CYP4F8: variants seen among roughly 807,000 people sequenced by gnomAD.
The protein encoded by CYP4F8 is cytochrome P450 4F8.
In CYP4F8, 56 loss-of-function variants were observed where a neutral mutation model predicts 55.0. That is an observed-to-expected ratio of 1.02 (90% CI 0.82 to 1.27). The LOEUF (loss-of-function observed/expected upper bound fraction) is 1.27. Among genes scored for constraint, CYP4F8 ranks in the 50% most tolerant of loss-of-function variants. CYP4F8 has a pLI of 0.00. For missense variants in CYP4F8, 680 were observed against 682.4 expected (o/e 1.00, Z 0.04); for synonymous variants, 288 against 267.3 (o/e 1.08, Z -0.76).
At chr19:15,619,813 C>G in intron 5 of CYP4F8, 51 bp downstream of exon 5, 4 of 1,599,544 alleles carry the variant, frequency 2.5e-6, no homozygotes, top group Non-Finnish European at 3.4e-6. Context: ...GTGGAGGGAT[C>G]ACATACAATT....
chr19:15,617,192 C>A (rs983553570), intron 2 of CYP4F8, among the ~76,000 whole-genome samples: 2 of 152,320 alleles, frequency 1.3e-5, no homozygotes, highest in Non-Finnish European at 2.9e-5. Flanking sequence ...GGGCTGGAGC[C>A]ACTCCCAGGA....
rs776862501 is a variant in CYP4F8 at position 15,628,790 on chromosome 19, A to T, written c.1344A>T (p.Glu448Asp). Residue 448 changes from glutamate (E) to aspartate (D), a missense_variant, in exon 12 of 13, where the codon GAA (glutamate) becomes GAT (aspartate). Transcript: ENST00000612078. ...EVYDPFRFDP[E>D]NAQKRSPMAF... Reference sequence around the variant, plus strand: ...ATGACCCCTTCCGCTTCGACCCAGAAAACGCCCAGAAGAGGTCACCTATGG... The same window carrying T: ...ATGACCCCTTCCGCTTCGACCCAGATAACGCCCAGAAGAGGTCACCTATGG... 1 of 1,610,646 alleles carries T rather than the reference A, an allele frequency of 6.2e-7. No homozygotes were observed. The highest frequency in any genetic ancestry group is 8.5e-7 in the Non-Finnish European group (1 of 1,178,740).
In CYP4F8 at chr19:15,626,605, A is replaced by ATATCTATCTATCTATC. The variant is rs57706048; in HGVS notation, c.1116-1671_1116-1656dup. 2.1e-3 allele frequency among the ~76,000 whole-genome samples: 302 copies of ATATCTATCTATCTATC among 146,948 alleles called. 2 individuals are homozygous for ATATCTATCTATCTATC. Among genetic ancestry groups the ATATCTATCTATCTATC allele is most frequent in the East Asian group, 6.2e-3 (31 of 4,966 alleles). ...CTAACATATTCAGATATTGTTCTGG[A>ATATCTATCTATCTATC]TATCTATCTATCTATCTATCTATCT... On this transcript the variant is annotated intron_variant, in intron 9 of 12. Transcript: ENST00000612078.
Position 15,623,750 on chromosome 19 carries a change from A to C in CYP4F8, c.970A>C (p.Thr324Pro). Residue 324 changes from threonine to proline, a missense_variant, in exon 8 of 13, where the codon ACT (threonine) becomes CCT (proline). Physicochemically the swap from Thr to Pro is conservative, Grantham distance 38. Coordinates refer to ENST00000612078, the MANE Select transcript of CYP4F8 (RefSeq NM_007253.4). The stretch of plus-strand genomic sequence containing the variant: ...TGAGGACATAAGAGCAGAAGCTGAC[A>C]CTTTCATGTTTGGAGGTGAGTGTCC... ...SDEDIRAEADTFMFGGHDTTA... is the reference protein window; with the variant it reads ...SDEDIRAEADPFMFGGHDTTA... 6.2e-7 allele frequency: 1 copy of C among 1,613,844 alleles called. No homozygotes were observed. The highest frequency in any genetic ancestry group is 8.5e-7 in the Non-Finnish European group (1 of 1,180,032).
At position 15,615,722 on chromosome 19, in the gene CYP4F8, G is replaced by A; in HGVS notation, c.106G>A (p.Ala36Thr). ...CTCCTGGCTCCTGGCCCGCATCCTG[G>A]CCTGGACCTATGCCTTCTATCACAA... ...GASWLLARIL[A>T]WTYAFYHNGR... The change falls in exon 2 of 13, where the codon GCC becomes ACC. Residue 36 changes from alanine (A) to threonine (T), a missense_variant. Coordinates refer to ENST00000612078, the MANE Select transcript of CYP4F8 (RefSeq NM_007253.4). 1.2e-6 allele frequency: 2 copies of A among 1,614,100 alleles called. No individual in the cohort carries two copies. Among genetic ancestry groups the A allele is most frequent in the Non-Finnish European group, 1.7e-6 (2 of 1,180,004 alleles).
chr19:15,629,525 G>A lies in CYP4F8; in HGVS notation c.*167G>A, dbSNP rs1267022344. 12 of 967,870 alleles carry A rather than the reference G, an allele frequency of 1.2e-5. No homozygotes were observed. Among genetic ancestry groups the A allele is most frequent in the East Asian group, 2.9e-5 (1 of 34,848 alleles). The allele number at this position is 967,870 out of a possible 1,614,324, so 60.0% of individuals were successfully genotyped here. The stretch of plus-strand genomic sequence containing the variant: ...GGATCTAGGGCCTGGCTGGGAAGAG[G>A]CGGGGAGATGTCTCTGTGCCCAAGA... On this transcript the variant is annotated 3_prime_UTR_variant, in exon 13 of 13. Transcript: ENST00000612078.
rs567889969 is a variant in CYP4F8, at chr19:15,621,146, G to C, written c.526-1073G>C. The stretch of plus-strand genomic sequence containing the variant: ...ATTAGGCTTAGAGAATCAGCTTTTA[G>C]AGCAAGCAGAATAAGCCTAACGTGT... On this transcript the variant is annotated intron_variant, in intron 5 of 12. Transcript: ENST00000612078. 2.0e-5 allele frequency among the ~76,000 whole-genome samples: 3 copies of C among 152,252 alleles called. No individual in the cohort carries two copies. The South Asian group carries it at 6.2e-4, about 32-fold the overall frequency.
At chr19:15,622,168 G>A in intron 5 of CYP4F8, 51 bp from the exon 6 acceptor site, 1 of 1,575,246 alleles carries the variant, frequency 6.3e-7, no homozygotes. Context: ...GTTGCAGGGG[G>A]ACTCAGAGGA....
intron 9 of CYP4F8, among the ~76,000 whole-genome samples, chr19:15,625,395 A>G (rs895221211): frequency 8.8e-5 from 13 of 148,550 alleles, no homozygotes; most frequent in Non-Finnish European, 1.5e-5. Context: ...ATATATATAT[A>G]CACACACACA....
At chr19:15,626,838 T>C (rs560352973) in intron 9 of CYP4F8, among the ~76,000 whole-genome samples, 13 of 152,364 alleles carry the variant, frequency 8.5e-5, no homozygotes, top group African/African-American at 3.1e-4. Context: ...TCTTTTAACA[T>C]TATAATTTTA....
At position 15,615,713 on chromosome 19, in the gene CYP4F8, C is replaced by T. The variant is rs200819695; in HGVS notation, c.97C>T (p.Arg33Cys). The T allele has an allele frequency of 5.4e-4, 872 of 1,614,084 alleles. 6 individuals are homozygous for T. The highest frequency in any genetic ancestry group is 5.0e-3 in the African/African-American group (377 of 75,036). ...LVVGASWLLA[R>C]ILAWTYAFYH... ...GGTCGGGGCCTCCTGGCTCCTGGCC[C>T]GCATCCTGGCCTGGACCTATGCCTT... The change falls in exon 2 of 13, where the codon CGC becomes TGC. Residue 33 changes from arginine (R) to cysteine (C), a missense_variant. Arg to Cys is a radical substitution (Grantham distance 180). Coordinates refer to ENST00000612078, the MANE Select transcript of CYP4F8 (RefSeq NM_007253.4).
rs4646524 is a variant in CYP4F8 at position 15,616,681 on chromosome 19, G to T, written c.198+867G>T. On this transcript the variant is annotated intron_variant, in intron 2 of 12. Transcript: ENST00000612078. ...ATGTGTGCCATCTCCACCCTCCCCC[G>T]TGCAGGGGCATCTTCTTTATCCCCA... 3.3e-5 allele frequency among the ~76,000 whole-genome samples: 5 copies of T among 151,992 alleles called. No homozygotes were observed. The South Asian group carries it at 8.3e-4, about 25-fold the overall frequency.
intron 12 of CYP4F8, 118 bp downstream of exon 12, chr19:15,628,961 C>G: frequency 7.5e-7 from 1 of 1,327,536 alleles, no homozygotes; most frequent in South Asian, 1.4e-5. Flanking sequence ...AAAGAAGATC[C>G]TAGGAAAAAG....
intron 3 of CYP4F8, 55 bp downstream of exon 3, chr19:15,618,199 G>T: frequency 6.2e-7 from 1 of 1,612,896 alleles, no homozygotes; most frequent in Non-Finnish European, 8.5e-7. Flanking sequence ...AGGGCTTCTA[G>T]ATCTCATCCC....
At chr19:15,619,951 C>T (rs1972173257) in intron 5 of CYP4F8, among the ~76,000 whole-genome samples, 189 bp downstream of exon 5, 1 of 152,142 alleles carries the variant, frequency 6.6e-6, no homozygotes, top group Non-Finnish European at 1.5e-5. Context: ...ACTCATGTCT[C>T]TGACACTTAG....
chr19:15,616,192 T>C (rs1230435604), intron 2 of CYP4F8, among the ~76,000 whole-genome samples: 3 of 146,434 alleles, frequency 2.0e-5, no homozygotes, highest in African/African-American at 2.6e-5. Context: ...ATTCCTCTCC[T>C]CACTCACTCA....
intron 2 of CYP4F8, among the ~76,000 whole-genome samples, chr19:15,617,545 T>C (rs1972140038): frequency 6.6e-6 from 1 of 152,128 alleles, no homozygotes. Context: ...AGTCCGTCTG[T>C]CTGTCTATGA....
chr19:15,620,849 G>A (rs1378321828), intron 5 of CYP4F8, among the ~76,000 whole-genome samples: 1 of 152,242 alleles, frequency 6.6e-6, no homozygotes, highest in Non-Finnish European at 1.5e-5. Context: ...GCAGGGAGAA[G>A]AGAAGAAATG....
At chr19:15,618,463 T>A in intron 3 of CYP4F8, 1 of 435,000 alleles carries the variant, frequency 2.3e-6, no homozygotes, top group Non-Finnish European at 4.3e-6. Flanking sequence ...CTTCATGGGG[T>A]TCAGAATGGG....
Sources: allele counts gnomAD v4.1 joint callset (sites outside exome capture counted in the v4.1 genomes callset), GRCh38; gene constraint gnomAD v4.1.1; transcripts MANE v1.5; gene names NCBI Gene and HGNC (gene_info 2026-07-23, HGNC 2026-07-21).